CXCL13: variants seen among roughly 807,000 people sequenced by gnomAD.
The protein encoded by CXCL13 is C-X-C motif chemokine 13.
In CXCL13, 7 loss-of-function variants were observed where a neutral mutation model predicts 12.2. The observed-to-expected ratio is 0.57, with a 90% CI of 0.33 to 1.07. The LOEUF is 1.07. CXCL13 is among the 50% of genes least tolerant of loss of function. The pLI, the probability that CXCL13 is intolerant of heterozygous loss-of-function variation, is 0.04. For synonymous variants in CXCL13, 47 were observed against 42.4 expected, an observed-to-expected ratio of 1.11 and a Z score of -0.42; for missense variants, 113 against 127.4, an observed-to-expected ratio of 0.89 and a Z score of 0.55.
intron 1 of CXCL13, among the ~76,000 whole-genome samples, chr4:77,514,632 C>T (rs1160529942): frequency 4.5e-4 from 67 of 148,736 alleles, no homozygotes; most frequent in South Asian, 1.3e-3. Flanking sequence ...TCATGTCCTT[C>T]GCCCACTTTT....
chr4:77,583,190 G>A (rs532061844), intron 1 of CXCL13, among the ~76,000 whole-genome samples: 1 of 152,184 alleles, frequency 6.6e-6, no homozygotes, highest in Non-Finnish European at 1.5e-5. Context: ...TAATCCCTGG[G>A]CTAGAAATTG....
chr4:77,611,746 CG>C lies in CXCL13; in HGVS notation c.*711del, dbSNP rs751150945. On this transcript the variant is annotated 3_prime_UTR_variant, in exon 4 of 4. Transcript: ENST00000682537. ...TTTCACTGACTTTTTTTGTGGGGGG[CG>C]GGGCCGGGGGGACTCTGGTATCTAA... 12 of 380,190 alleles carry C rather than the reference CG, an allele frequency of 3.2e-5. No individual in the cohort carries two copies. The highest frequency in any genetic ancestry group is 1.4e-5 in the Non-Finnish European group (3 of 222,202). The allele number at this position is 380,190 out of a possible 1,614,324, so 23.6% of individuals were successfully genotyped here.
intron 1 of CXCL13, among the ~76,000 whole-genome samples, chr4:77,554,512 C>T (rs1039371322): frequency 4.6e-5 from 7 of 152,092 alleles, no homozygotes; most frequent in African/African-American, 1.7e-4. Flanking sequence ...AATTTCAAAT[C>T]TCTTCTCTCA....
intron 1 of CXCL13, among the ~76,000 whole-genome samples, chr4:77,592,991 A>G (rs1310066797): frequency 2.6e-5 from 4 of 152,374 alleles, no homozygotes; most frequent in African/African-American, 7.2e-5. Context: ...TTAATAACGT[A>G]TAAACAAGTG....
At chr4:77,589,424 T>A (rs1726554925) in intron 1 of CXCL13, among the ~76,000 whole-genome samples, 2 of 152,288 alleles carry the variant, frequency 1.3e-5, no homozygotes, top group South Asian at 4.2e-4. Flanking sequence ...TTACTTTACT[T>A]AAAAATGGCC....
chr4:77,558,362 AT>A (rs572831777), intron 1 of CXCL13, among the ~76,000 whole-genome samples: 64 of 148,014 alleles, frequency 4.3e-4, no homozygotes, highest in African/African-American at 9.1e-4. Context: ...ACTACTTCTA[AT>A]TTTTTTTTTT....
In CXCL13 at chr4:77,607,794, A is replaced by G; in HGVS notation, c.156A>G (p.Gln52=). 6.2e-7 allele frequency: 1 copy of G among 1,614,106 alleles called. No homozygotes were observed. Among genetic ancestry groups the G allele is most frequent in the Non-Finnish European group, 8.5e-7 (1 of 1,179,992 alleles). Reference sequence around the variant, plus strand: ...CTAGACGCTTCATTGATCGAATTCAAATCTTGCCCCGTGGGAATGGTTGTC... The same window carrying G: ...CTAGACGCTTCATTGATCGAATTCAGATCTTGCCCCGTGGGAATGGTTGTC... ...FIPRRFIDRI[Q]ILPRGNGCPR... The change falls in exon 2 of 4, where the codon CAA becomes CAG. Residue 52 remains glutamine, a synonymous_variant. Transcript: ENST00000682537.
intron 2 of CXCL13, among the ~76,000 whole-genome samples, chr4:77,608,814 T>A (rs1419338931): frequency 6.6e-6 from 1 of 152,244 alleles, no homozygotes; most frequent in Non-Finnish European, 1.5e-5. Context: ...AGTCTAGCCA[T>A]GACCTACTTG....
At chr4:77,592,889 A>G (rs531425375) in intron 1 of CXCL13, among the ~76,000 whole-genome samples, 1 of 152,252 alleles carries the variant, frequency 6.6e-6, no homozygotes, top group South Asian at 2.1e-4. Flanking sequence ...GATTTACACA[A>G]GATTTCTCCA....
chr4:77,565,335 C>T (rs79738193), intron 1 of CXCL13, among the ~76,000 whole-genome samples: 8,352 of 152,170 alleles, frequency 0.055, 723 homozygotes, highest in African/African-American at 0.19. Context: ...TCCTCCCTCT[C>T]CTCCCCCAAA....
chr4:77,522,479 G>T (rs1339143143), intron 1 of CXCL13, among the ~76,000 whole-genome samples: 1 of 103,288 alleles, frequency 9.7e-6, no homozygotes, highest in East Asian at 3.1e-4. Context: ...TTTGTTTAAA[G>T]TCTGTTTTAT....
At chr4:77,591,979 T>C (rs1004313728) in intron 1 of CXCL13, among the ~76,000 whole-genome samples, 1 of 152,254 alleles carries the variant, frequency 6.6e-6, no homozygotes, top group Non-Finnish European at 1.5e-5. Context: ...TACAGAGTTC[T>C]AGGTTGTCAG....
At chr4:77,599,898 G>A (rs1262666666) in intron 1 of CXCL13, among the ~76,000 whole-genome samples, 2 of 152,168 alleles carry the variant, frequency 1.3e-5, no homozygotes, top group African/African-American at 4.8e-5. Context: ...GCAGTGAAAC[G>A]GGAGGAAAGT....
intron 1 of CXCL13, among the ~76,000 whole-genome samples, chr4:77,524,618 A>T (rs570405486): frequency 6.6e-6 from 1 of 152,344 alleles, no homozygotes; most frequent in East Asian, 1.9e-4. Flanking sequence ...TTCCAGGTAC[A>T]GTCTGTTGCA....
At chr4:77,543,027 A>C (rs2109802068) in intron 1 of CXCL13, among the ~76,000 whole-genome samples, 1 of 152,006 alleles carries the variant, frequency 6.6e-6, no homozygotes, top group East Asian at 1.9e-4. Flanking sequence ...TTTATTACTG[A>C]TTGTATTTTG....
At chr4:77,518,693 C>A (rs568958940) in intron 1 of CXCL13, among the ~76,000 whole-genome samples, 1 of 152,126 alleles carries the variant, frequency 6.6e-6, no homozygotes, top group Non-Finnish European at 1.5e-5. Context: ...GTTATACATT[C>A]GTCTAAATTT....
intron 1 of CXCL13, among the ~76,000 whole-genome samples, chr4:77,564,138 G>T (rs1578055952): frequency 6.6e-6 from 1 of 152,150 alleles, no homozygotes; most frequent in African/African-American, 2.4e-5. Flanking sequence ...ACTCTTTGAA[G>T]TACGAATTTT....
At chr4:77,531,248 A>G (rs981674777) in intron 1 of CXCL13, among the ~76,000 whole-genome samples, 10 of 146,404 alleles carry the variant, frequency 6.8e-5, no homozygotes, top group Non-Finnish European at 1.2e-4. Context: ...AGCATTAGGT[A>G]TATCTCCTAA....
At chr4:77,533,702 G>A (rs189620483) in intron 1 of CXCL13, among the ~76,000 whole-genome samples, 19 of 152,278 alleles carry the variant, frequency 1.2e-4, no homozygotes, top group South Asian at 4.1e-4. Context: ...CTACCAGGCC[G>A]CTTTGTTTAC....
Sources: allele counts gnomAD v4.1 joint callset (sites outside exome capture counted in the v4.1 genomes callset), GRCh38; gene constraint gnomAD v4.1.1; transcripts MANE v1.5; gene names NCBI Gene and HGNC (gene_info 2026-07-23, HGNC 2026-07-21).